Variants in RIN3 observed in about 807,000 individuals in gnomAD.
RIN3 encodes Ras and Rab interactor 3, also known as RAB5 interacting protein 3.
RIN3 carries 54 observed loss-of-function variants against 76.3 expected under a neutral mutation model. The ratio of observed to expected loss-of-function variants is 0.71; its 90% CI spans 0.57 to 0.89. The LOEUF (loss-of-function observed/expected upper bound fraction) is 0.89. Among genes scored for constraint, RIN3 ranks in the 40% least tolerant of loss-of-function variants. RIN3 has a pLI of 0.00. For missense variants in RIN3, 1,256 were observed against 1,322.1 expected, an observed-to-expected ratio of 0.95 and a Z score of 0.78; for synonymous variants, 576 against 564.0, an observed-to-expected ratio of 1.02 and a Z score of -0.30.
At chr14:92,684,289 A>G (rs947908213) in intron 8 of RIN3, among the ~76,000 whole-genome samples, 1 of 151,496 alleles carries the variant, frequency 6.6e-6, no homozygotes, top group Non-Finnish European at 1.5e-5. Flanking sequence ...CTGAGGTAGG[A>G]GAATCGCTTG....
At chr14:92,551,551 A>G (rs1897426289) in intron 1 of RIN3, among the ~76,000 whole-genome samples, 1 of 152,168 alleles carries the variant, frequency 6.6e-6, no homozygotes, top group Non-Finnish European at 1.5e-5. Flanking sequence ...GCTCGTTCCA[A>G]TGTTCGTTCT....
intron 3 of RIN3, among the ~76,000 whole-genome samples, chr14:92,583,581 C>A (rs1884639057): frequency 6.6e-6 from 1 of 152,096 alleles, no homozygotes; most frequent in Non-Finnish European, 1.5e-5. Flanking sequence ...AAAATAACAA[C>A]ACAACAATAA....
At chr14:92,547,037 TTTATTTTATTATA>T (rs1897284210) in intron 1 of RIN3, among the ~76,000 whole-genome samples, 1 of 135,432 alleles carries the variant, frequency 7.4e-6, no homozygotes, top group Non-Finnish European at 1.6e-5. Context: ...ATTATTTTAT[TTTATTTTATTATA>T]ATAAAATAAA....
At chr14:92,576,409 T>G (rs1476099388) in intron 2 of RIN3, 1 of 1,289,434 alleles carries the variant, frequency 7.8e-7, no homozygotes, top group Non-Finnish European at 1.0e-6. Context: ...AGAGCACAGC[T>G]GCGTCCTCAC....
At chr14:92,627,326 C>T (rs1886392308) in intron 4 of RIN3, among the ~76,000 whole-genome samples, 1 of 152,346 alleles carries the variant, frequency 6.6e-6, no homozygotes, top group South Asian at 2.1e-4. Flanking sequence ...CCACTTCCTT[C>T]ACAGGAAATT....
intron 2 of RIN3, among the ~76,000 whole-genome samples, chr14:92,557,310 G>A (rs1216724851): frequency 1.3e-5 from 2 of 152,244 alleles, no homozygotes; most frequent in Non-Finnish European, 2.9e-5. Context: ...AGGGGACACA[G>A]TGAGTAAATA....
chr14:92,682,092 G>A (rs1007022814), intron 8 of RIN3, among the ~76,000 whole-genome samples: 1 of 152,048 alleles, frequency 6.6e-6, no homozygotes, highest in African/African-American at 2.4e-5. Context: ...TCGTCATGTT[G>A]GCCAGGCTGG....
At chr14:92,528,794 G>A (rs573444047) in intron 1 of RIN3, among the ~76,000 whole-genome samples, 7 of 152,304 alleles carry the variant, frequency 4.6e-5, no homozygotes, top group South Asian at 2.1e-4. Context: ...GAAAATGTGC[G>A]GCTTCATGAT....
intron 1 of RIN3, chr14:92,515,310 G>T (rs2139985121): frequency 1.4e-6 from 1 of 694,110 alleles, no homozygotes; most frequent in Non-Finnish European, 2.6e-6. Flanking sequence ...ACCCAAGATG[G>T]CAGGGTGAAG....
chr14:92,555,421 G>A (rs867856987), intron 1 of RIN3, among the ~76,000 whole-genome samples: 1 of 152,100 alleles, frequency 6.6e-6, no homozygotes, highest in Non-Finnish European at 1.5e-5. Context: ...GCCTACTGTT[G>A]ACAGTTCTGT....
chr14:92,665,073 A>T (rs998877475), intron 7 of RIN3, among the ~76,000 whole-genome samples: 1 of 152,200 alleles, frequency 6.6e-6, no homozygotes, highest in Non-Finnish European at 1.5e-5. Context: ...TTGTTGTGCA[A>T]ACATTTTAGA....
intron 2 of RIN3, among the ~76,000 whole-genome samples, chr14:92,565,073 A>C (rs1378701939): frequency 1.3e-5 from 2 of 152,180 alleles, no homozygotes; most frequent in African/African-American, 2.4e-5. Flanking sequence ...CGGCACTGGC[A>C]CTTGTCTCCC....
chr14:92,542,953 G>T (rs1897159995), intron 1 of RIN3, among the ~76,000 whole-genome samples: 1 of 152,290 alleles, frequency 6.6e-6, no homozygotes, highest in East Asian at 1.9e-4. Flanking sequence ...CTGGGGAGGA[G>T]TGACTGCTCA....
At chr14:92,625,759 G>T (rs187814873) in intron 4 of RIN3, among the ~76,000 whole-genome samples, 1 of 152,266 alleles carries the variant, frequency 6.6e-6, no homozygotes, top group African/African-American at 2.4e-5. Flanking sequence ...TATAATTCCT[G>T]GTCCCCTGGA....
chr14:92,584,137 C>T (rs1365742762), intron 3 of RIN3, among the ~76,000 whole-genome samples: 1 of 152,130 alleles, frequency 6.6e-6, no homozygotes, highest in African/African-American at 2.4e-5. Flanking sequence ...TGAGCATCCT[C>T]AGATTTCGGT....
chr14:92,641,432 A>T, intron 5 of RIN3, 103 bp downstream of exon 5: 1 of 813,196 alleles, frequency 1.2e-6, no homozygotes, highest in Non-Finnish European at 2.1e-6. Context: ...CCTGAGTCCC[A>T]GCTCCCATGG....
At chr14:92,558,424 A>T (rs1897662318) in intron 2 of RIN3, among the ~76,000 whole-genome samples, 1 of 152,252 alleles carries the variant, frequency 6.6e-6, no homozygotes, top group African/African-American at 2.4e-5. Flanking sequence ...AATGCTTAGT[A>T]ATTCCAGGCT....
At chr14:92,615,231 T>C (rs1885909333) in intron 3 of RIN3, among the ~76,000 whole-genome samples, 176 bp from the exon 4 acceptor site, 1 of 152,074 alleles carries the variant, frequency 6.6e-6, no homozygotes, top group African/African-American at 2.4e-5. Flanking sequence ...ATTCCATTTC[T>C]CACTTACCTA....
intron 1 of RIN3, among the ~76,000 whole-genome samples, chr14:92,518,042 G>T (rs75424547): frequency 1.3e-5 from 2 of 152,208 alleles, no homozygotes; most frequent in African/African-American, 4.8e-5. Context: ...CTTGTCTGTG[G>T]TCTTGTACCT....
Sources: allele counts gnomAD v4.1 joint callset (sites outside exome capture counted in the v4.1 genomes callset), GRCh38; gene constraint gnomAD v4.1.1; transcripts MANE v1.5; gene names NCBI Gene and HGNC (gene_info 2026-07-23, HGNC 2026-07-21).